Variants in HSD17B12 observed in about 807,000 individuals in gnomAD.
HSD17B12 encodes very-long-chain 3-oxoacyl-CoA reductase.
HSD17B12 carries 32 observed loss-of-function variants against 39.3 expected under a neutral mutation model. The observed-to-expected ratio is 0.81, with a 90% CI of 0.61 to 1.09. HSD17B12 has a LOEUF of 1.09. Among genes scored for constraint, HSD17B12 ranks in the 50% least tolerant of loss-of-function variants. The pLI, the probability that HSD17B12 is intolerant of heterozygous loss-of-function variation, is 0.00. For synonymous variants in HSD17B12, 150 were observed against 146.7 expected (o/e 1.02, Z -0.16); for missense variants, 342 against 382.9 (o/e 0.89, Z 0.89).
At chr11:43,743,625 C>T (rs1950387977) in intron 1 of HSD17B12, among the ~76,000 whole-genome samples, 2 of 152,172 alleles carry the variant, frequency 1.3e-5, no homozygotes, top group Non-Finnish European at 1.5e-5. Flanking sequence ...AAACTAATAA[C>T]TGCCCAGCAG....
chr11:43,779,134 A>C (rs1565086054), intron 3 of HSD17B12, among the ~76,000 whole-genome samples: 1 of 152,216 alleles, frequency 6.6e-6, no homozygotes, highest in South Asian at 2.1e-4. Flanking sequence ...CAAAATCATG[A>C]GATAGAATTT....
At chr11:43,838,196 T>G (rs183354648) in intron 7 of HSD17B12, 121 bp from the exon 8 acceptor site, 21 of 711,428 alleles carry the variant, frequency 3.0e-5, no homozygotes, top group East Asian at 2.3e-4. Context: ...CAGGGAGAGA[T>G]ATGTGGTAGA....
intron 4 of HSD17B12, among the ~76,000 whole-genome samples, chr11:43,813,253 G>A (rs1349226890): frequency 1.3e-5 from 2 of 152,092 alleles, no homozygotes; most frequent in East Asian, 3.9e-4. Flanking sequence ...AGATTACAAA[G>A]TCAACTGTGC....
rs192793070 is a variant in HSD17B12 at position 43,837,969 on chromosome 11, G to C, written c.537-348G>C. ...ACGATATGTTAAAATAAAGGTGTATGCAGGGAATATAAAAGATCTGTAAGT... is the reference window on the plus strand; with the variant it reads ...ACGATATGTTAAAATAAAGGTGTATCCAGGGAATATAAAAGATCTGTAAGT... On this transcript the variant is annotated intron_variant, in intron 7 of 10. Coordinates refer to ENST00000278353, the MANE Select transcript of HSD17B12 (RefSeq NM_016142.3). 504 of 228,412 alleles carry C rather than the reference G, an allele frequency of 2.2e-3. 8 individuals are homozygous for C. Among genetic ancestry groups the C allele is most frequent in the African/African-American group, 0.01 (447 of 44,096 alleles). 14.1% of individuals were successfully genotyped at this position (228,412 alleles called of 1,614,324 possible). A position where few individuals can be genotyped will look rare whatever the true frequency, so the allele number is the denominator to read the frequency against.
intron 1 of HSD17B12, among the ~76,000 whole-genome samples, chr11:43,688,143 C>T (rs973880664): frequency 6.6e-6 from 1 of 151,524 alleles, no homozygotes; most frequent in African/African-American, 2.4e-5. Context: ...ACCCAGGAGG[C>T]GGAGGTTGCA....
chr11:43,627,459 A>T, the HSD17B12 span, among the ~76,000 whole-genome samples: 1 of 151,958 alleles, frequency 6.6e-6, no homozygotes, highest in Non-Finnish European at 1.5e-5. Context: ...GTGATGTTAG[A>T]TCTATTAGCA....
At chr11:43,707,323 G>T (rs914949844) in intron 1 of HSD17B12, among the ~76,000 whole-genome samples, 2 of 152,202 alleles carry the variant, frequency 1.3e-5, no homozygotes, top group African/African-American at 4.8e-5. Context: ...TAGAATAATA[G>T]AGGAGGATAG....
chr11:43,658,847 C>T, the HSD17B12 span, among the ~76,000 whole-genome samples: 1 of 152,200 alleles, frequency 6.6e-6, no homozygotes, highest in African/African-American at 2.4e-5. Flanking sequence ...GTTAGGGACC[C>T]ACTTGAGGAG....
At chr11:43,844,576 C>T (rs951958913) in intron 9 of HSD17B12, among the ~76,000 whole-genome samples, 45 of 151,322 alleles carry the variant, frequency 3.0e-4, no homozygotes, top group African/African-American at 1.1e-3. Flanking sequence ...AAAAAAAAGA[C>T]ACTTGTGTCT....
intron 1 of HSD17B12, among the ~76,000 whole-genome samples, chr11:43,700,537 G>T (rs1949954626): frequency 6.6e-6 from 1 of 151,798 alleles, no homozygotes; most frequent in Non-Finnish European, 1.5e-5. Flanking sequence ...GTCTGTCCAT[G>T]AGTTCAATTG....
the HSD17B12 span, among the ~76,000 whole-genome samples, chr11:43,658,716 T>G: frequency 6.6e-6 from 1 of 152,166 alleles, no homozygotes; most frequent in East Asian, 1.9e-4. Flanking sequence ...CGGATATGGG[T>G]GAACCACAAA....
chr11:43,787,040 C>G (rs1950821180), intron 3 of HSD17B12, among the ~76,000 whole-genome samples: 1 of 152,130 alleles, frequency 6.6e-6, no homozygotes, highest in Admixed American at 6.5e-5. Context: ...CTCCTGGGTT[C>G]AAGTGATTCT....
chr11:43,720,347 A>G (rs1244334118), intron 1 of HSD17B12, among the ~76,000 whole-genome samples: 2 of 152,244 alleles, frequency 1.3e-5, no homozygotes, highest in African/African-American at 4.8e-5. Context: ...CCAGTCAATA[A>G]GTTAATTAGG....
intron 9 of HSD17B12, among the ~76,000 whole-genome samples, chr11:43,845,100 C>T (rs1951462501): frequency 1.3e-5 from 2 of 152,160 alleles, no homozygotes; most frequent in Admixed American, 1.3e-4. Context: ...CTCAAGTGAT[C>T]CTCCCACCTC....
chr11:43,804,196 A>G (rs1320687421), intron 4 of HSD17B12, among the ~76,000 whole-genome samples: 2 of 152,232 alleles, frequency 1.3e-5, no homozygotes, highest in Non-Finnish European at 2.9e-5. Context: ...AAAATCAACC[A>G]TAGCTTTATT....
At chr11:43,696,223 A>G (rs1170983335) in intron 1 of HSD17B12, among the ~76,000 whole-genome samples, 1 of 152,144 alleles carries the variant, frequency 6.6e-6, no homozygotes, top group African/African-American at 2.4e-5. Context: ...TGTGGTGATT[A>G]TATGCTAGGC....
the HSD17B12 span, among the ~76,000 whole-genome samples, chr11:43,631,997 G>C: frequency 6.6e-6 from 1 of 152,118 alleles, no homozygotes; most frequent in South Asian, 2.1e-4. Context: ...ACTGAGCAGA[G>C]TGTGTGAGTG....
the HSD17B12 span, among the ~76,000 whole-genome samples, chr11:43,640,754 T>G: frequency 4.6e-5 from 7 of 152,088 alleles, no homozygotes; most frequent in Non-Finnish European, 1.0e-4. Flanking sequence ...GCAGAAAAAC[T>G]AAGTATATCA....
chr11:43,833,104 T>G (rs1370692810), intron 7 of HSD17B12: 1 of 151,954 alleles, frequency 6.6e-6, no homozygotes, highest in Non-Finnish European at 1.5e-5. Flanking sequence ...GTGGGAAGTT[T>G]TCAGAAGCTA....
Sources: allele counts gnomAD v4.1 joint callset (sites outside exome capture counted in the v4.1 genomes callset), GRCh38; gene constraint gnomAD v4.1.1; transcripts MANE v1.5; gene names NCBI Gene and HGNC (gene_info 2026-07-23, HGNC 2026-07-21).